Variants in GRID2 observed in about 807,000 individuals in gnomAD.
GRID2 encodes the protein glutamate ionotropic receptor delta type subunit 2.
Under a neutral mutation model 114.8 loss-of-function variants are expected in GRID2, and 33 were observed. The ratio of observed to expected loss-of-function variants is 0.29; its 90% CI spans 0.22 to 0.38. The LOEUF (loss-of-function observed/expected upper bound fraction) is 0.38. Among genes scored for constraint, GRID2 ranks in the 10% least tolerant of loss-of-function variants. GRID2 has a pLI of 1.00. For synonymous variants in GRID2, 505 were observed against 449.9 expected, an observed-to-expected ratio of 1.12 and a Z score of -1.55; for missense variants, 1,184 against 1,257.7, an observed-to-expected ratio of 0.94 and a Z score of 0.89.
At chr4:93,452,311 G>C (rs2149406664) in intron 10 of GRID2, among the ~76,000 whole-genome samples, 1 of 152,218 alleles carries the variant, frequency 6.6e-6, no homozygotes, top group African/African-American at 2.4e-5. Flanking sequence ...TAATTAAGAA[G>C]TACTTTTTCC....
chr4:93,770,587 A>AG (rs1734027663), intron 15 of GRID2, among the ~76,000 whole-genome samples: 1 of 152,226 alleles, frequency 6.6e-6, no homozygotes, highest in African/African-American at 2.4e-5. Flanking sequence ...ACCTGTGTGA[A>AG]TGAGCATACA....
In GRID2 at chr4:93,669,894, T is replaced by C. The variant is rs1371267455; in HGVS notation, c.2360+43459T>C. On this transcript the variant is annotated intron_variant, in intron 14 of 15. Coordinates refer to ENST00000282020, the MANE Select transcript of GRID2 (RefSeq NM_001510.4). ...ACAAAATTTGAAGATGATCTGGACC[T>C]GGACGTTTTTCAGAGCACCACTTGC... 2.6e-5 allele frequency among the ~76,000 whole-genome samples: 4 copies of C among 152,242 alleles called. No homozygotes were observed. In the East Asian group the frequency reaches 5.8e-4, roughly 22 times the overall value.
chr4:93,486,165 T>C (rs1476378033), intron 11 of GRID2, among the ~76,000 whole-genome samples: 2 of 151,720 alleles, frequency 1.3e-5, no homozygotes, highest in African/African-American at 4.8e-5. Context: ...AGTGTTGCTG[T>C]TATATATAAA....
chr4:93,351,052 TACCACAAGAACAGTA>T lies in GRID2; in HGVS notation c.1246-44554_1246-44540del, dbSNP rs776032883. On this transcript the variant is annotated intron_variant, in intron 8 of 15. Transcript: ENST00000282020. Reference sequence around the variant, plus strand: ...ATCAGATCTTATGAGACTTATTCACTACCACAAGAACAGTATGAGATAAACTGCCCTCATGATTCA... The same window carrying T: ...ATCAGATCTTATGAGACTTATTCACTTGAGATAAACTGCCCTCATGATTCA... Among the ~76,000 whole-genome samples, 1,307 of 152,130 alleles carry T rather than the reference TACCACAAGAACAGTA, an allele frequency of 8.6e-3. 47 individuals carry two copies. Among genetic ancestry groups the T allele is most frequent in the Admixed American group, 0.06 (921 of 15,236 alleles).
chr4:93,065,462 T>A lies in GRID2; in HGVS notation c.245-19533T>A, dbSNP rs965158748. 2.0e-5 allele frequency among the ~76,000 whole-genome samples: 3 copies of A among 151,978 alleles called. No homozygotes were observed. The East Asian group carries it at 5.8e-4, about 30-fold the overall frequency. ...GCACTCATGGAAAAGCCAAAAGAAG[T>A]GACTGTTTTTACTTTATCTCTCCCA... is the stretch of plus-strand genomic sequence containing the variant. On this transcript the variant is annotated intron_variant, in intron 2 of 15. Coordinates refer to ENST00000282020, the MANE Select transcript of GRID2 (RefSeq NM_001510.4).
chr4:92,743,352 G>C (rs1047420175), intron 2 of GRID2, among the ~76,000 whole-genome samples: 1 of 151,996 alleles, frequency 6.6e-6, no homozygotes, highest in African/African-American at 2.4e-5. Flanking sequence ...TTATATTTTT[G>C]TGCTTTTTTC....
At chr4:93,058,588 G>T (rs780524208) in intron 2 of GRID2, among the ~76,000 whole-genome samples, 1 of 151,702 alleles carries the variant, frequency 6.6e-6, no homozygotes, top group African/African-American at 2.4e-5. Flanking sequence ...TATGTGTGCC[G>T]TTATTGCTTA....
intron 4 of GRID2, among the ~76,000 whole-genome samples, chr4:93,150,409 T>C (rs1336348629): frequency 1.3e-5 from 2 of 152,084 alleles, no homozygotes; most frequent in African/African-American, 4.8e-5. Flanking sequence ...ACACAACAGG[T>C]AGCACGGGAA....
At chr4:93,145,045 G>T (rs1173891972) in intron 4 of GRID2, among the ~76,000 whole-genome samples, 3 of 152,106 alleles carry the variant, frequency 2.0e-5, no homozygotes, top group Non-Finnish European at 4.4e-5. Context: ...CATTACAATA[G>T]CCGTTTTCTC....
intron 14 of GRID2, among the ~76,000 whole-genome samples, chr4:93,763,753 C>T (rs1238540279): frequency 6.6e-6 from 1 of 152,162 alleles, no homozygotes; most frequent in African/African-American, 2.4e-5. Context: ...TACTTAGCGT[C>T]TTCATCCATA....
At chr4:93,020,686 C>A (rs1381845689) in intron 2 of GRID2, among the ~76,000 whole-genome samples, 1 of 152,108 alleles carries the variant, frequency 6.6e-6, no homozygotes, top group Non-Finnish European at 1.5e-5. Context: ...AGACTTGTGA[C>A]AACTTTTCTT....
intron 8 of GRID2, among the ~76,000 whole-genome samples, chr4:93,374,839 G>A (rs966683076): frequency 2.4e-4 from 37 of 152,114 alleles, no homozygotes; most frequent in African/African-American, 6.0e-4. Context: ...AATTTTGCAC[G>A]TTCCCTACAT....
chr4:92,884,351 C>A (rs914635338), intron 2 of GRID2, among the ~76,000 whole-genome samples: 9 of 152,098 alleles, frequency 5.9e-5, no homozygotes, highest in Non-Finnish European at 1.3e-4. Flanking sequence ...ATCACTCAAG[C>A]CTTCTCTATA....
intron 13 of GRID2, among the ~76,000 whole-genome samples, chr4:93,517,931 ATGTATG>A (rs1267831326): frequency 3.3e-4 from 13 of 39,462 alleles, no homozygotes; most frequent in African/African-American, 1.1e-3. Flanking sequence ...TATACTATAT[ATGTATG>A]TATATACATA....
chr4:92,950,159 C>G (rs186737644), intron 2 of GRID2, among the ~76,000 whole-genome samples: 1 of 152,234 alleles, frequency 6.6e-6, no homozygotes, highest in East Asian at 1.9e-4. Flanking sequence ...GAGTTTCCTG[C>G]ATCACACCTT....
intron 14 of GRID2, among the ~76,000 whole-genome samples, chr4:93,763,263 A>G (rs964813441): frequency 7.2e-5 from 11 of 152,198 alleles, no homozygotes; most frequent in African/African-American, 2.7e-4. Flanking sequence ...AGAATTGAGT[A>G]ATTCTCTCAA....
intron 13 of GRID2, among the ~76,000 whole-genome samples, chr4:93,602,728 A>G (rs1027450211): frequency 6.6e-6 from 1 of 152,246 alleles, no homozygotes; most frequent in Non-Finnish European, 1.5e-5. Context: ...AATTAGGCCA[A>G]TTAATAACCT....
intron 1 of GRID2, among the ~76,000 whole-genome samples, chr4:92,447,600 T>C (rs1357810807): frequency 1.3e-5 from 2 of 152,202 alleles, no homozygotes; most frequent in Non-Finnish European, 1.5e-5. Context: ...TAGAACAAAA[T>C]ATCATAAACT....
At chr4:92,716,064 AAAC>A in intron 2 of GRID2, among the ~76,000 whole-genome samples, 1 of 152,356 alleles carries the variant, frequency 6.6e-6, no homozygotes, top group South Asian at 2.1e-4. Context: ...TTAATGTGGC[AAAC>A]ACATGTAAAT....
Sources: gnomAD v4.1 joint callset for allele counts (sites outside exome capture counted in the v4.1 genomes callset) on GRCh38, gnomAD v4.1.1 for gene constraint, MANE v1.5 for transcripts, NCBI Gene and HGNC (gene_info 2026-07-23, HGNC 2026-07-21) for gene names.